KIF26B: variants seen among roughly 807,000 people sequenced by gnomAD.
KIF26B encodes kinesin-like protein KIF26B.
In KIF26B, 63 loss-of-function variants were observed where a neutral mutation model predicts 151.2. That is an observed-to-expected ratio of 0.42 (90% CI 0.34 to 0.51). KIF26B has a LOEUF of 0.51. Among genes scored for constraint, KIF26B ranks in the 20% least tolerant of loss-of-function variants. The pLI, the probability that KIF26B is intolerant of heterozygous loss-of-function variation, is 0.07. For missense variants in KIF26B, 2,813 were observed against 2,913.6 expected (o/e 0.97, Z 0.79); for synonymous variants, 1,357 against 1,262.1 (o/e 1.08, Z -1.59).
intron 4 of KIF26B, among the ~76,000 whole-genome samples, chr1:245,460,744 T>G (rs949898410): frequency 2.0e-5 from 3 of 152,214 alleles, no homozygotes; most frequent in Non-Finnish European, 4.4e-5. Flanking sequence ...TGCATGCCCG[T>G]GTATCGGTGT....
chr1:245,503,411 C>T (rs908346273), intron 4 of KIF26B, among the ~76,000 whole-genome samples: 1 of 152,156 alleles, frequency 6.6e-6, no homozygotes, highest in Non-Finnish European at 1.5e-5. Flanking sequence ...ATTGGCATGT[C>T]CCAAATTCAC....
intron 4 of KIF26B, among the ~76,000 whole-genome samples, chr1:245,538,455 G>T (rs1661532677): frequency 6.6e-6 from 1 of 151,924 alleles, no homozygotes; most frequent in South Asian, 2.1e-4. Context: ...AGGGAGGAGG[G>T]AAACCTTGGA....
chr1:245,571,492 A>G (rs910139265), intron 5 of KIF26B, among the ~76,000 whole-genome samples: 2 of 152,220 alleles, frequency 1.3e-5, no homozygotes, highest in African/African-American at 2.4e-5. Flanking sequence ...ATCAGAACTG[A>G]TGTTGTATAA....
chr1:245,658,027 G>A (rs1034701852), intron 10 of KIF26B, among the ~76,000 whole-genome samples: 6 of 152,090 alleles, frequency 3.9e-5, no homozygotes, highest in Non-Finnish European at 7.4e-5. Context: ...GAATTTTCTG[G>A]TTTTGATCCC....
intron 2 of KIF26B, among the ~76,000 whole-genome samples, chr1:245,326,586 C>G (rs577052344): frequency 6.6e-6 from 1 of 152,228 alleles, no homozygotes; most frequent in South Asian, 2.1e-4. Context: ...TACGAAGAGC[C>G]CAGAAAAGTT....
At chr1:245,580,791 A>C (rs1343757742) in intron 5 of KIF26B, among the ~76,000 whole-genome samples, 1 of 152,154 alleles carries the variant, frequency 6.6e-6, no homozygotes, top group Non-Finnish European at 1.5e-5. Context: ...TTGTCCTTGG[A>C]TGGATACAGC....
intron 5 of KIF26B, among the ~76,000 whole-genome samples, chr1:245,588,882 G>T (rs547990043): frequency 1.3e-5 from 2 of 152,284 alleles, no homozygotes; most frequent in Admixed American, 1.3e-4. Context: ...ACTGTGGGCA[G>T]TTACTGGACG....
intron 10 of KIF26B, 56 bp from the exon 11 acceptor site, chr1:245,684,177 T>G: frequency 6.3e-7 from 1 of 1,576,854 alleles, no homozygotes; most frequent in East Asian, 2.3e-5. Context: ...AGCCCTGCCC[T>G]GAGGGCCACA....
In KIF26B at chr1:245,702,642, C is replaced by A; in HGVS notation, c.*36C>A. On this transcript the variant is annotated 3_prime_UTR_variant, in exon 15 of 15. Transcript: ENST00000407071. This position sits in a 1 kb window ranked among gnomAD's most constrained non-coding sequence, Gnocchi z 4.1. The stretch of plus-strand genomic sequence containing the variant: ...CCCTTGTCCTAGTGGTCCCCCGCTC[C>A]CCAGGACTTCAGAGATGTTGCACGC... 1 of 1,600,500 alleles carries A rather than the reference C, an allele frequency of 6.2e-7. No homozygotes were observed. Among genetic ancestry groups the A allele is most frequent in the Non-Finnish European group, 8.5e-7 (1 of 1,172,364 alleles).
At chr1:245,503,118 C>T (rs1384961605) in intron 4 of KIF26B, among the ~76,000 whole-genome samples, 1 of 152,098 alleles carries the variant, frequency 6.6e-6, no homozygotes, top group Non-Finnish European at 1.5e-5. Flanking sequence ...CCTCGGCCTC[C>T]CAAAGTGCTG....
intron 4 of KIF26B, among the ~76,000 whole-genome samples, chr1:245,422,906 C>CT (rs1658523791): frequency 1.3e-5 from 2 of 151,980 alleles, no homozygotes; most frequent in African/African-American, 4.8e-5. Flanking sequence ...CAAGACCAGC[C>CT]TGGCCAACAT....
rs925861629 is a variant in KIF26B, at chr1:245,253,959, G to A, written c.465+97276G>A. On this transcript the variant is annotated intron_variant, in intron 2 of 14. Transcript: ENST00000407071. ...CGAGTAGCTGGGACTACAGGCGCCC[G>A]CCACCACGCCCGGCTGATTTTTTTG... Among the ~76,000 whole-genome samples the A allele has an allele frequency of 3.3e-5, 5 of 151,560 alleles. No individual in the cohort carries two copies. In the South Asian group the frequency reaches 6.3e-4, roughly 19 times the overall value.
intron 4 of KIF26B, among the ~76,000 whole-genome samples, chr1:245,468,163 C>A (rs922113066): frequency 1.3e-4 from 20 of 152,218 alleles, no homozygotes; most frequent in Non-Finnish European, 2.6e-4. Flanking sequence ...AACTTCATTT[C>A]CACCTTCCAG....
rs187158283 is a variant in KIF26B, at chr1:245,476,863, C to T, written c.1166+57118C>T. 9.8e-4 allele frequency among the ~76,000 whole-genome samples: 149 copies of T among 151,872 alleles called. 4 individuals are homozygous for T. The Middle Eastern group carries it at 0.017, about 17-fold the overall frequency. Reference sequence around the variant, plus strand: ...CTTTGTTAATGGAGAAGTAAATAAACAGCCAGGGTGTAAACAATACATGCA... The same window carrying T: ...CTTTGTTAATGGAGAAGTAAATAAATAGCCAGGGTGTAAACAATACATGCA... On this transcript the variant is annotated intron_variant, in intron 4 of 14. Transcript: ENST00000407071.
intron 2 of KIF26B, among the ~76,000 whole-genome samples, chr1:245,259,215 A>G (rs1419876504): frequency 5.3e-5 from 8 of 152,062 alleles, no homozygotes; most frequent in Admixed American, 5.2e-4. Flanking sequence ...GTACATTATT[A>G]TCTCTTCATT....
At chr1:245,385,114 A>C (rs1042927093) in intron 3 of KIF26B, among the ~76,000 whole-genome samples, 6 of 152,212 alleles carry the variant, frequency 3.9e-5, no homozygotes, top group African/African-American at 7.2e-5. Context: ...AACAGAAATA[A>C]AAGGATTCAG....
At chr1:245,301,111 G>T (rs767610083) in intron 2 of KIF26B, among the ~76,000 whole-genome samples, 1 of 152,212 alleles carries the variant, frequency 6.6e-6, no homozygotes, top group African/African-American at 2.4e-5. Context: ...GATTAGAGGC[G>T]TGAGCCACCA....
rs140111382 is a variant in KIF26B at position 245,213,704 on chromosome 1, TG to T, written c.465+57023del. The stretch of plus-strand genomic sequence containing the variant: ...TCATCAGAAGGCGTTGTGCGTGGTG[TG>T]GATGCACACGTGACCGTGTGCCGCA... On this transcript the variant is annotated intron_variant, in intron 2 of 14. Transcript: ENST00000407071. 5.4e-3 allele frequency among the ~76,000 whole-genome samples: 829 copies of T among 152,310 alleles called. 34 individuals are homozygous for T. The East Asian group carries it at 0.13, about 24-fold the overall frequency.
intron 2 of KIF26B, among the ~76,000 whole-genome samples, chr1:245,298,557 A>G (rs1390064525): frequency 1.3e-5 from 2 of 152,222 alleles, no homozygotes; most frequent in African/African-American, 2.4e-5. Flanking sequence ...GGGCATGGCG[A>G]TTGGTGATGG....
Sources: allele counts gnomAD v4.1 joint callset (sites outside exome capture counted in the v4.1 genomes callset), GRCh38; gene constraint gnomAD v4.1.1; non-coding constraint Gnocchi (gnomAD v3.1); transcripts MANE v1.5; gene names NCBI Gene and HGNC (gene_info 2026-07-23, HGNC 2026-07-21).